The following CAB39 variants were observed in gnomAD, a reference collection of about 807,000 sequenced individuals.
CAB39 encodes calcium-binding protein 39.
In CAB39, 8 loss-of-function variants were observed where a neutral mutation model predicts 40.0. The ratio of observed to expected loss-of-function variants is 0.20; its 90% confidence interval spans 0.12 to 0.36. The LOEUF (loss-of-function observed/expected upper bound fraction) is 0.36. CAB39 is among the 10% of genes least tolerant of loss of function. The pLI, the probability that CAB39 is intolerant of heterozygous loss-of-function variation, is 1.00. For missense variants in CAB39, 270 were observed against 401.1 expected, an observed-to-expected ratio of 0.67 and a Z score of 2.79; for synonymous variants, 156 against 141.6, an observed-to-expected ratio of 1.10 and a Z score of -0.72.
At chr2:230,748,346 C>T (rs142650789) in intron 1 of CAB39, among the ~76,000 whole-genome samples, 1 of 152,224 alleles carries the variant, frequency 6.6e-6, no homozygotes, top group Non-Finnish European at 1.5e-5. Flanking sequence ...ATGCTTTGTA[C>T]TTCCTATTGT....
At chr2:230,800,882 T>A (rs1696078027) in intron 5 of CAB39, among the ~76,000 whole-genome samples, 2 of 152,102 alleles carry the variant, frequency 1.3e-5, no homozygotes, top group African/African-American at 4.8e-5. Flanking sequence ...TAGGGTTACT[T>A]CTTTTGATAA....
chr2:230,738,212 A>G (rs995384901), intron 1 of CAB39, among the ~76,000 whole-genome samples: 2 of 152,132 alleles, frequency 1.3e-5, no homozygotes, highest in Non-Finnish European at 1.5e-5. Context: ...AGTCTTCTGT[A>G]TTTGTGCCTT....
intron 2 of CAB39, among the ~76,000 whole-genome samples, chr2:230,767,156 T>A (rs987274078): frequency 6.6e-6 from 1 of 152,240 alleles, no homozygotes; most frequent in Non-Finnish European, 1.5e-5. Context: ...GCTTTACAGA[T>A]AGAAGTTCTA....
At position 230,808,051 on chromosome 2, in the gene CAB39, TTTTTCTTTTC is replaced by T. The variant is rs139203634; in HGVS notation, c.568-2192_568-2183del. Among the ~76,000 whole-genome samples, 823 of 148,002 alleles carry T rather than the reference TTTTTCTTTTC, an allele frequency of 5.6e-3. 7 individuals carry two copies. Among genetic ancestry groups the T allele is most frequent in the African/African-American group, 0.02 (759 of 38,748 alleles). On this transcript the variant is annotated intron_variant, in intron 5 of 8. Transcript: ENST00000258418. ...AGTGCCTGCTCTGTGCCAGGCACTT[TTTTTCTTTTC>T]TTTTCTTTTCTTTTCTTTTTTTTTT...
intron 1 of CAB39, among the ~76,000 whole-genome samples, chr2:230,748,512 A>C (rs1029895137): frequency 6.6e-6 from 1 of 152,062 alleles, no homozygotes; most frequent in Non-Finnish European, 1.5e-5. Flanking sequence ...TTTCATTAAG[A>C]ATTACAAAAT....
At chr2:230,815,916 C>G (rs1027379449) in intron 7 of CAB39, among the ~76,000 whole-genome samples, 1 of 152,162 alleles carries the variant, frequency 6.6e-6, no homozygotes, top group African/African-American at 2.4e-5. Flanking sequence ...TTATTTATTC[C>G]CATATTTATG....
intron 1 of CAB39, among the ~76,000 whole-genome samples, chr2:230,732,264 A>G (rs552821345): frequency 6.6e-6 from 1 of 152,102 alleles, no homozygotes; most frequent in African/African-American, 2.4e-5. Flanking sequence ...TGTATTTTTT[A>G]GTGGAGACGG....
intron 2 of CAB39, among the ~76,000 whole-genome samples, chr2:230,760,510 CTTGG>C (rs1188598522): frequency 6.6e-6 from 1 of 152,090 alleles, no homozygotes; most frequent in Non-Finnish European, 1.5e-5. Flanking sequence ...CAGTTATCTG[CTTGG>C]TTGGTTTGTT....
intron 5 of CAB39, among the ~76,000 whole-genome samples, chr2:230,804,833 G>A (rs527328692): frequency 9.0e-4 from 137 of 152,340 alleles, no homozygotes; most frequent in Admixed American, 1.2e-3. Flanking sequence ...GTGGAAGACA[G>A]TGTGGCGATT....
Position 230,818,985 on chromosome 2 carries a change from T to G in CAB39, c.*281T>G, listed in dbSNP as rs1696454895. On this transcript the variant is annotated 3_prime_UTR_variant, in exon 9 of 9. Coordinates refer to ENST00000258418, the MANE Select transcript of CAB39 (RefSeq NM_016289.4). ...ACATGGCTGGGTTCATGAAGGCAAA[T>G]GTATGGATGAGAGTGTGGTTTAGGA... is the stretch of plus-strand genomic sequence containing the variant. The G allele has an allele frequency of 3.1e-6, 1 of 323,050 alleles. No individual in the cohort carries two copies. The highest frequency in any genetic ancestry group is 3.1e-5 in the South Asian group (1 of 32,170). The allele number at this position is 323,050 out of a possible 1,614,324, so 20.0% of individuals were successfully genotyped here.
At chr2:230,763,457 T>C (rs2124923243) in intron 2 of CAB39, among the ~76,000 whole-genome samples, 1 of 152,030 alleles carries the variant, frequency 6.6e-6, no homozygotes, top group Admixed American at 6.5e-5. Flanking sequence ...CCAGGCACGG[T>C]GGCACACGCC....
intron 1 of CAB39, among the ~76,000 whole-genome samples, chr2:230,718,727 G>C (rs547073246): frequency 6.6e-6 from 1 of 152,246 alleles, no homozygotes; most frequent in South Asian, 2.1e-4. Context: ...AGAAACTTTA[G>C]AACTTCAGAA....
intron 1 of CAB39, among the ~76,000 whole-genome samples, chr2:230,728,219 T>C (rs1452972233): frequency 7.9e-5 from 12 of 151,822 alleles, no homozygotes; most frequent in African/African-American, 2.4e-4. Flanking sequence ...GCATGGGCGA[T>C]AGAGTGAGAC....
At chr2:230,788,989 C>T (rs1030952931) in intron 2 of CAB39, among the ~76,000 whole-genome samples, 2 of 152,146 alleles carry the variant, frequency 1.3e-5, no homozygotes, top group African/African-American at 4.8e-5. Flanking sequence ...TTTGTCTGCC[C>T]TTCCACCTCT....
At chr2:230,810,049 A>C (rs1213132053) in intron 5 of CAB39, among the ~76,000 whole-genome samples, 1 of 152,202 alleles carries the variant, frequency 6.6e-6, no homozygotes. Context: ...CTGTAGATCC[A>C]TGACTCATCA....
At chr2:230,780,382 G>T (rs1695666442) in intron 2 of CAB39, among the ~76,000 whole-genome samples, 1 of 152,146 alleles carries the variant, frequency 6.6e-6, no homozygotes, top group Non-Finnish European at 1.5e-5. Context: ...CTAATGCACA[G>T]GCCTTTTTCA....
At chr2:230,788,180 C>G (rs1575947705) in intron 2 of CAB39, among the ~76,000 whole-genome samples, 1 of 149,872 alleles carries the variant, frequency 6.7e-6, no homozygotes, top group Admixed American at 6.6e-5. Context: ...TGTTATGTCT[C>G]TTTAATACTC....
chr2:230,815,037 T>C (rs1696376143), intron 7 of CAB39, among the ~76,000 whole-genome samples: 1 of 152,214 alleles, frequency 6.6e-6, no homozygotes, highest in Non-Finnish European at 1.5e-5. Flanking sequence ...CTTCCTACCG[T>C]GGGGAAATCT....
intron 1 of CAB39, among the ~76,000 whole-genome samples, chr2:230,719,933 G>C (rs955295324): frequency 2.6e-5 from 4 of 152,180 alleles, no homozygotes; most frequent in African/African-American, 7.2e-5. Context: ...CAGTTGGTCA[G>C]ATGGTAGTGT....
Sources: gnomAD v4.1 joint callset for allele counts (sites outside exome capture counted in the v4.1 genomes callset) on GRCh38, gnomAD v4.1.1 for gene constraint, MANE v1.5 for transcripts, NCBI Gene and HGNC (gene_info 2026-07-23, HGNC 2026-07-21) for gene names.